CTNNA2: variants seen among roughly 807,000 people sequenced by gnomAD.
The protein encoded by CTNNA2 is catenin alpha-2.
In CTNNA2, 42 loss-of-function variants were observed where a neutral mutation model predicts 101.0. The observed-to-expected ratio is 0.42, with a 90% confidence interval of 0.32 to 0.54. The LOEUF is 0.54. Ranked by LOEUF, CTNNA2 falls within the 20% of genes least tolerant of loss-of-function variation. CTNNA2 has a pLI of 0.14. For missense variants in CTNNA2, 871 were observed against 1,223.1 expected, an observed-to-expected ratio of 0.71 and a Z score of 4.29; for synonymous variants, 450 against 456.4, an observed-to-expected ratio of 0.99 and a Z score of 0.18.
upstream of CTNNA2, among the ~76,000 whole-genome samples, chr2:79,509,407 C>T (rs759440120): frequency 1.7e-4 from 26 of 152,038 alleles, no homozygotes; most frequent in Admixed American, 3.3e-4. Context: ...TAAATAGAGA[C>T]AACTGAATAT....
intron 2 of CTNNA2, among the ~76,000 whole-genome samples, chr2:79,669,700 G>A (rs542920806): frequency 3.9e-4 from 60 of 152,280 alleles, no homozygotes; most frequent in African/African-American, 5.8e-4. Flanking sequence ...CTGGCAGGTC[G>A]TCTCTGCAGC....
intron 7 of CTNNA2, among the ~76,000 whole-genome samples, chr2:80,317,619 C>G (rs1371813441): frequency 1.3e-5 from 2 of 152,168 alleles, no homozygotes; most frequent in Non-Finnish European, 2.9e-5. Flanking sequence ...TTCAAACTTT[C>G]CTCCTGGATT....
In CTNNA2 at chr2:79,755,947, A is replaced by G. The variant is rs369216365; in HGVS notation, c.298+11365A>G. On this transcript the variant is annotated intron_variant, in intron 3 of 18. Transcript: ENST00000402739. ...AAAAATGCATACACGTGAAAATGTC[A>G]TATACCCTTAGGATTCATCTTAATG... Among the ~76,000 whole-genome samples the G allele has an allele frequency of 3.3e-5, 5 of 152,322 alleles. No homozygotes were observed. In the East Asian group the frequency reaches 9.7e-4, roughly 29 times the overall value.
At chr2:79,814,551 A>G (rs376666442) in intron 3 of CTNNA2, among the ~76,000 whole-genome samples, 1 of 151,900 alleles carries the variant, frequency 6.6e-6, no homozygotes, top group South Asian at 2.1e-4. Flanking sequence ...CTCACTGCAA[A>G]TGCCATTAAT....
intron 4 of CTNNA2, among the ~76,000 whole-genome samples, chr2:79,407,745 C>T (rs867754256): frequency 2.6e-5 from 4 of 151,840 alleles, no homozygotes; most frequent in Non-Finnish European, 5.9e-5. Context: ...CAGCTTTCCA[C>T]GGAGAAAACA....
intron 4 of CTNNA2, among the ~76,000 whole-genome samples, chr2:79,504,512 A>G (rs1573198310): frequency 6.6e-6 from 1 of 151,866 alleles, no homozygotes; most frequent in Admixed American, 6.6e-5. Flanking sequence ...CTGGTCTCAC[A>G]CTCCTGACCT....
At chr2:79,556,014 C>T (rs146511317) in intron 1 of CTNNA2, among the ~76,000 whole-genome samples, 110 of 152,054 alleles carry the variant, frequency 7.2e-4, no homozygotes, top group Admixed American at 4.4e-3. Flanking sequence ...ACATTAACTT[C>T]GAGTTTCAAA....
chr2:80,281,453 G>GTTATTTTCTAAAGAGCGTACA, intron 7 of CTNNA2, among the ~76,000 whole-genome samples: 1 of 152,250 alleles, frequency 6.6e-6, no homozygotes, highest in South Asian at 2.1e-4. Flanking sequence ...CTTTTAAGAA[G>GTTATTTTCTAAAGAGCGTACA]TTATTTTCTA....
chr2:80,303,793 A>G lies in CTNNA2; in HGVS notation c.1057-89418A>G, dbSNP rs754971036. ...AGGGCCTCCTCAGCAGCCAGTATAG[A>G]CAGAGACCGAGCAGCAGGAAATCCA... On this transcript the variant is annotated intron_variant, in intron 7 of 18. Transcript: ENST00000402739. The surrounding 1 kb of genome is among the most constrained non-coding windows in gnomAD (Gnocchi z 7.7). The G allele has an allele frequency of 7.2e-6, 11 of 1,522,714 alleles. No individual in the cohort carries two copies. 94.3% of individuals were successfully genotyped at this position (1,522,714 alleles called of 1,614,324 possible). A position where few individuals can be genotyped will look rare whatever the true frequency, so the allele number is the denominator to read the frequency against.
intron 1 of CTNNA2, among the ~76,000 whole-genome samples, chr2:79,582,315 C>T (rs1053205293): frequency 5.3e-5 from 8 of 152,172 alleles, no homozygotes; most frequent in Admixed American, 3.9e-4. Flanking sequence ...TGTGTTCAAA[C>T]GTACACAAGA....
chr2:79,437,871 A>G (rs1162206385), intron 4 of CTNNA2, among the ~76,000 whole-genome samples: 1 of 152,106 alleles, frequency 6.6e-6, no homozygotes, highest in Non-Finnish European at 1.5e-5. Context: ...GCTCCATAAA[A>G]TGAGGGGGTG....
In CTNNA2 at chr2:80,169,860, C is replaced by T. The variant is rs372720023; in HGVS notation, c.1057-223351C>T. On this transcript the variant is annotated intron_variant, in intron 7 of 18. Transcript: ENST00000402739. ...TCTTAGTTCTGCCACTTGCCACTTG[C>T]GTGACTTTAGGTGACATCCTTGACC... 6.6e-5 allele frequency among the ~76,000 whole-genome samples: 10 copies of T among 152,304 alleles called. No individual in the cohort carries two copies. The East Asian group carries it at 1.9e-3, about 29-fold the overall frequency.
chr2:80,311,028 G>A (rs952343652), intron 7 of CTNNA2, among the ~76,000 whole-genome samples: 13 of 149,664 alleles, frequency 8.7e-5, no homozygotes, highest in Non-Finnish European at 1.8e-4. Context: ...AAAATTAAAT[G>A]AACATGAAGT....
At chr2:80,331,282 T>G (rs1256295233) in intron 7 of CTNNA2, among the ~76,000 whole-genome samples, 2 of 152,188 alleles carry the variant, frequency 1.3e-5, no homozygotes, top group Admixed American at 1.3e-4. Flanking sequence ...AGGATTTGTG[T>G]TTGCTGTCTC....
At position 80,337,504 on chromosome 2, in the gene CTNNA2, C is replaced by G. The variant is rs542566785; in HGVS notation, c.1057-55707C>G. On this transcript the variant is annotated intron_variant, in intron 7 of 18. Coordinates refer to ENST00000402739, the MANE Select transcript of CTNNA2 (RefSeq NM_001282597.3). ...CTTTTTTGCTCCTATGGAAACTAAT[C>G]AGAAAAGCTAGAGCAGTTTTGAGAG... Among the ~76,000 whole-genome samples the G allele has an allele frequency of 1.0e-4, 13 of 129,558 alleles. No individual in the cohort carries two copies. In the South Asian group the frequency reaches 3.6e-3, roughly 36 times the overall value. The allele number at this position is 129,558 out of a possible 152,430, so 85.0% of individuals were successfully genotyped here.
intron 7 of CTNNA2, among the ~76,000 whole-genome samples, chr2:80,330,904 G>A (rs1047540228): frequency 1.3e-5 from 2 of 152,212 alleles, no homozygotes; most frequent in African/African-American, 4.8e-5. Flanking sequence ...GTCTTGTTGG[G>A]GCCCCCAGGC....
At chr2:79,444,845 T>C (rs1678814329) in intron 4 of CTNNA2, among the ~76,000 whole-genome samples, 1 of 152,092 alleles carries the variant, frequency 6.6e-6, no homozygotes. Context: ...GTTAGTCACT[T>C]TTGCTTACCC....
intron 3 of CTNNA2, among the ~76,000 whole-genome samples, chr2:79,363,648 C>A (rs893130748): frequency 6.6e-6 from 1 of 152,106 alleles, no homozygotes; most frequent in Admixed American, 6.5e-5. Flanking sequence ...AGTGTCCCGT[C>A]TGACACTTGG....
At chr2:80,584,031 T>C (rs1011139369) in intron 14 of CTNNA2, among the ~76,000 whole-genome samples, 6 of 152,142 alleles carry the variant, frequency 3.9e-5, no homozygotes, top group African/African-American at 1.4e-4. Context: ...CCTGTAATTA[T>C]ATGATGACAA....
Sources: allele counts gnomAD v4.1 joint callset (sites outside exome capture counted in the v4.1 genomes callset), GRCh38; gene constraint gnomAD v4.1.1; non-coding constraint Gnocchi (gnomAD v3.1); transcripts MANE v1.5; gene names NCBI Gene and HGNC (gene_info 2026-07-23, HGNC 2026-07-21).